The following BICRAL variants were observed in gnomAD, a reference collection of about 807,000 sequenced individuals.
BICRAL encodes the protein BRD4-interacting chromatin-remodeling complex-associated protein-like.
BICRAL carries 8 observed loss-of-function variants against 91.8 expected under a neutral mutation model. The ratio of observed to expected loss-of-function variants is 0.09; its 90% CI spans 0.05 to 0.16. The LOEUF (loss-of-function observed/expected upper bound fraction) is 0.16. Ranked by LOEUF, BICRAL falls within the 10% of genes least tolerant of loss-of-function variation. BICRAL has a pLI of 1.00. For synonymous variants in BICRAL, 445 were observed against 491.1 expected (o/e 0.91, Z 1.24); for missense variants, 1,038 against 1,310.9 (o/e 0.79, Z 3.21).
intron 1 of BICRAL, among the ~76,000 whole-genome samples, chr6:42,802,428 TTTGTTGTTG>T (rs1554277645): frequency 4.8e-4 from 50 of 103,938 alleles, no homozygotes; most frequent in Non-Finnish European, 5.1e-4. Flanking sequence ...CGTGTTTTTT[TTTGTTGTTG>T]TTGTTGTTGT....
chr6:42,844,613 C>G (rs1040908844), intron 6 of BICRAL, among the ~76,000 whole-genome samples: 5 of 138,804 alleles, frequency 3.6e-5, no homozygotes, highest in African/African-American at 1.3e-4. Flanking sequence ...AGTGGGCGTT[C>G]TGATAGATTT....
At chr6:42,806,851 A>G (rs1763721037) in intron 1 of BICRAL, among the ~76,000 whole-genome samples, 1 of 150,194 alleles carries the variant, frequency 6.7e-6, no homozygotes, top group Admixed American at 6.6e-5. Context: ...GTTTTTTGAG[A>G]CAGAGTTTTG....
chr6:42,854,840 G>A (rs377362975), intron 8 of BICRAL, among the ~76,000 whole-genome samples: 2 of 152,022 alleles, frequency 1.3e-5, no homozygotes, highest in East Asian at 3.9e-4. Flanking sequence ...TTGTTTGTTT[G>A]TTTTTTTGAT....
chr6:42,834,643 G>C (rs1053708808), intron 6 of BICRAL, among the ~76,000 whole-genome samples: 2 of 151,852 alleles, frequency 1.3e-5, no homozygotes, highest in Admixed American at 1.3e-4. Flanking sequence ...GACTATAATT[G>C]TATAAAATAT....
intron 1 of BICRAL, among the ~76,000 whole-genome samples, chr6:42,764,902 A>AC: frequency 6.6e-6 from 1 of 151,852 alleles, no homozygotes; most frequent in South Asian, 2.1e-4. Context: ...CTTGTGATCC[A>AC]CCCGCCTCAA....
intron 2 of BICRAL, among the ~76,000 whole-genome samples, chr6:42,815,185 C>CTTTT (rs869106375): frequency 2.2e-4 from 22 of 101,148 alleles, no homozygotes; most frequent in East Asian, 2.9e-4. Flanking sequence ...GTCAGAATAT[C>CTTTT]TTTTTTTTTT....
At chr6:42,765,213 C>T (rs1001906222) in intron 1 of BICRAL, among the ~76,000 whole-genome samples, 1 of 152,154 alleles carries the variant, frequency 6.6e-6, no homozygotes, top group Non-Finnish European at 1.5e-5. Context: ...TACAAAGTAA[C>T]TATTACAAAG....
chr6:42,772,627 G>C (rs1037531676), intron 1 of BICRAL, among the ~76,000 whole-genome samples: 85 of 152,280 alleles, frequency 5.6e-4, no homozygotes, highest in African/African-American at 1.9e-3. Flanking sequence ...TTATGGATTT[G>C]GGTTTGGGAA....
intron 1 of BICRAL, among the ~76,000 whole-genome samples, chr6:42,763,128 A>G (rs1178920887): frequency 2.6e-5 from 4 of 152,162 alleles, no homozygotes; most frequent in African/African-American, 9.7e-5. Flanking sequence ...AGAAAAGATA[A>G]CCCAATAACC....
chr6:42,783,663 G>C (rs1462852931), intron 1 of BICRAL, among the ~76,000 whole-genome samples: 6 of 152,208 alleles, frequency 3.9e-5, no homozygotes, highest in Admixed American at 3.9e-4. Context: ...CACGCCCCCA[G>C]ACCCAAAAGA....
chr6:42,755,892 T>C (rs1391589339), intron 1 of BICRAL, among the ~76,000 whole-genome samples: 1 of 152,070 alleles, frequency 6.6e-6, no homozygotes, highest in Non-Finnish European at 1.5e-5. Context: ...CAGGTTGGTC[T>C]TGAACTCCTG....
At chr6:42,766,286 AAG>A (rs992199118) in intron 1 of BICRAL, among the ~76,000 whole-genome samples, 15 of 152,158 alleles carry the variant, frequency 9.9e-5, no homozygotes, top group Admixed American at 9.8e-4. Context: ...TCTTGGGGGT[AAG>A]AGAGAGAGAT....
chr6:42,829,407 C>T lies in BICRAL; in HGVS notation c.1074C>T (p.His358=). 1 of 1,614,186 alleles carries T rather than the reference C, an allele frequency of 6.2e-7. No individual in the cohort carries two copies. Among genetic ancestry groups the T allele is most frequent in the Non-Finnish European group, 8.5e-7 (1 of 1,180,022 alleles). ...CCCAGGGCTCAGTAGTTGGTCCACACATGTCTGTGAACATTGTAAACCAAC... is the reference window on the plus strand; with the variant it reads ...CCCAGGGCTCAGTAGTTGGTCCACATATGTCTGTGAACATTGTAAACCAAC... ...SSPQGSVVGP[H]MSVNIVNQQN... is the part of the protein sequence containing the mutation. The change falls in exon 6 of 13, where the codon CAC becomes CAT. Residue 358 remains histidine, a synonymous_variant. Coordinates refer to ENST00000314073, the MANE Select transcript of BICRAL (RefSeq NM_001393499.1).
rs1765201143 is a variant in BICRAL, at chr6:42,852,109, G to A, written c.1857G>A (p.Leu619=). The A allele has an allele frequency of 6.2e-7, 1 of 1,605,524 alleles. No homozygotes were observed. Among genetic ancestry groups the A allele is most frequent in the Non-Finnish European group, 8.5e-7 (1 of 1,172,790 alleles). The change falls in exon 7 of 13, where the codon CTG becomes CTA. Residue 619 remains leucine (L), a synonymous_variant. Transcript: ENST00000314073. The stretch of plus-strand genomic sequence containing the variant: ...TTTCACAGGCTCAGAAAAAATGTCT[G>A]AATCAGACTTCCCCCATTTCTGCTC... ...QFFCQAQKKC[L]NQTSPISAPK... is the part of the protein sequence containing the mutation.
In BICRAL at chr6:42,853,751, T is replaced by G; in HGVS notation, c.2046+13T>G. ...TCCAGCTGTGCAGGTAGAAAACTAT[T>G]GGCATAGCCTCTTCCTAATGTTCGG... On this transcript the variant is annotated intron_variant, in intron 8 of 12. Transcript: ENST00000314073. 2.0e-6 allele frequency: 3 copies of G among 1,501,124 alleles called. No individual in the cohort carries two copies. Among genetic ancestry groups the G allele is most frequent in the Non-Finnish European group, 2.8e-6 (3 of 1,076,990 alleles). The allele number at this position is 1,501,124 out of a possible 1,614,324, so 93.0% of individuals were successfully genotyped here. A position where few individuals can be genotyped will look rare whatever the true frequency, so the allele number is the denominator to read the frequency against.
chr6:42,867,456 T>C lies in BICRAL; in HGVS notation c.*2010T>C, dbSNP rs1047314008. On this transcript the variant is annotated 3_prime_UTR_variant, in exon 13 of 13. Coordinates refer to ENST00000314073, the MANE Select transcript of BICRAL (RefSeq NM_001393499.1). ...TGGTGTCGCCAGTTGGTACTTTCTG[T>C]TTGGGTAGTCCTAGGGTAACACCCT... 6 of 153,086 alleles carry C rather than the reference T, an allele frequency of 3.9e-5. No homozygotes were observed. Among genetic ancestry groups the C allele is most frequent in the Admixed American group, 3.9e-4 (6 of 15,328 alleles). 9.5% of individuals were successfully genotyped at this position (153,086 alleles called of 1,614,324 possible).
chr6:42,821,508 CT>C (rs1462378407), intron 2 of BICRAL, among the ~76,000 whole-genome samples: 3 of 152,180 alleles, frequency 2.0e-5, no homozygotes, highest in Non-Finnish European at 4.4e-5. Flanking sequence ...AGGGTGCCCC[CT>C]CTTCTCTCTC....
At chr6:42,804,852 G>A (rs1763666322) in intron 1 of BICRAL, among the ~76,000 whole-genome samples, 1 of 152,184 alleles carries the variant, frequency 6.6e-6, no homozygotes, top group Admixed American at 6.6e-5. Context: ...TATGGTGTGT[G>A]TATTCATTTA....
In BICRAL at chr6:42,814,358, C is replaced by T. The variant is rs144787661; in HGVS notation, c.-6+3957C>T. 3.9e-3 allele frequency among the ~76,000 whole-genome samples: 555 copies of T among 141,958 alleles called. 3 individuals carry two copies. Among genetic ancestry groups the T allele is most frequent in the African/African-American group, 0.014 (519 of 38,310 alleles). 93.1% of individuals were successfully genotyped at this position (141,958 alleles called of 152,430 possible). A position where few individuals can be genotyped will look rare whatever the true frequency, so the allele number is the denominator to read the frequency against. ...CAAGCCATCTTCACTAGGCTATATACATACACATATGTATATGTATATATA... is the reference window on the plus strand; with the variant it reads ...CAAGCCATCTTCACTAGGCTATATATATACACATATGTATATGTATATATA... On this transcript the variant is annotated intron_variant, in intron 2 of 12. Coordinates refer to ENST00000314073, the MANE Select transcript of BICRAL (RefSeq NM_001393499.1).
Sources: allele counts gnomAD v4.1 joint callset (sites outside exome capture counted in the v4.1 genomes callset), GRCh38; gene constraint gnomAD v4.1.1; transcripts MANE v1.5; gene names NCBI Gene and HGNC (gene_info 2026-07-23, HGNC 2026-07-21).